Variants in PCDH11X observed in about 807,000 individuals in gnomAD.
The protein encoded by PCDH11X is protocadherin-11 X-linked.
A neutral mutation model predicts 53.3 loss-of-function variants in PCDH11X; 18 were observed. The ratio of observed to expected loss-of-function variants is 0.34; its 90% CI spans 0.23 to 0.50. The LOEUF is 0.50. Ranked by LOEUF, PCDH11X falls within the 20% of genes least tolerant of loss-of-function variation. The probability of loss-of-function intolerance (pLI) is 0.98; values close to 1 mark genes in which losing one functional copy is unlikely to be tolerated. For synonymous variants in PCDH11X, 279 were observed against 393.3 expected, an observed-to-expected ratio of 0.71 and a Z score of 3.44; for missense variants, 570 against 1,032.4, an observed-to-expected ratio of 0.55 and a Z score of 6.14.
At chrX:92,477,943 A>G (rs1242872332) in intron 10 of PCDH11X, among the ~76,000 whole-genome samples, 1 of 107,755 alleles carries the variant, frequency 9.3e-6, no homozygotes, top group Non-Finnish European at 1.9e-5. Context: ...CTCATCTCAA[A>G]TTATAATCCC....
At chrX:91,917,922 A>C (rs1462147785) in intron 6 of PCDH11X, among the ~76,000 whole-genome samples, 1 of 104,979 alleles carries the variant, frequency 9.5e-6, no homozygotes, top group Non-Finnish European at 2.0e-5. Context: ...ACTAGACTTC[A>C]AGCTATACTA....
At chrX:92,015,134 A>G (rs1399470390) in intron 6 of PCDH11X, among the ~76,000 whole-genome samples, 1 of 112,363 alleles carries the variant, frequency 8.9e-6, no homozygotes, top group Non-Finnish European at 1.9e-5. Context: ...TAAAAATGCT[A>G]ACACTCATCT....
Position 92,263,012 on chromosome X carries a change from C to CA in PCDH11X, c.3115-88dup, listed in dbSNP as rs5903000. ...TGGGAATGTTGACATGCTTTTTTTT[C>CA]AAAAAAAAAAAAAATGTATTTGCAG... is the stretch of plus-strand genomic sequence containing the variant. On this transcript the variant is annotated intron_variant, in intron 7 of 10. Transcript: ENST00000682573. 0.011 allele frequency: 9,533 copies of CA among 850,805 alleles called. 148 individuals are homozygous for CA. The African/African-American group carries it at 0.12, about 10-fold the overall frequency. The allele number at this position is 850,805 out of a possible 1,213,427, so 70.1% of individuals were successfully genotyped here.
At chrX:92,334,962 A>C (rs979287433) in intron 8 of PCDH11X, among the ~76,000 whole-genome samples, 4 of 109,793 alleles carry the variant, frequency 3.6e-5, no homozygotes, top group African/African-American at 1.3e-4. Flanking sequence ...CAAAAGTTAT[A>C]TGTGGATTTT....
chrX:92,162,153 A>G (rs1428842655), intron 6 of PCDH11X, among the ~76,000 whole-genome samples: 1 of 93,751 alleles, frequency 1.1e-5, no homozygotes, highest in Non-Finnish European at 2.1e-5. Flanking sequence ...GGTGGGTTAT[A>G]TCGGAGGGAA....
Position 92,124,761 on chromosome X carries a change from A to T in PCDH11X, c.3034-76614A>T, listed in dbSNP as rs2064831711. 1.8e-5 allele frequency among the ~76,000 whole-genome samples: 2 copies of T among 110,413 alleles called. 1 individual carries two copies. The highest frequency in any genetic ancestry group is 3.8e-5 in the Non-Finnish European group (2 of 53,103). The stretch of plus-strand genomic sequence containing the variant: ...TTTTTCATGTTGTAAAACAATTAAT[A>T]TATTTGAACTAAAATGCAGACCAGA... On this transcript the variant is annotated intron_variant, in intron 6 of 10. Coordinates refer to ENST00000682573, the MANE Select transcript of PCDH11X (RefSeq NM_032968.5).
intron 10 of PCDH11X, among the ~76,000 whole-genome samples, chrX:92,471,077 T>G (rs747245536): frequency 9.7e-6 from 1 of 103,058 alleles, no homozygotes; most frequent in African/African-American, 3.6e-5. Context: ...GGTCCTCAGC[T>G]ATTTTTCTGC....
chrX:92,004,372 G>C (rs1160245741), intron 6 of PCDH11X, among the ~76,000 whole-genome samples: 1 of 110,953 alleles, frequency 9.0e-6, no homozygotes, highest in Non-Finnish European at 1.9e-5. Flanking sequence ...TAGATGAAAT[G>C]TTCTGTAAAT....
intron 6 of PCDH11X, among the ~76,000 whole-genome samples, chrX:92,197,532 T>C (rs2066311980): frequency 8.9e-6 from 1 of 111,897 alleles, no homozygotes; most frequent in Non-Finnish European, 1.9e-5. Context: ...ATGCTTTCTT[T>C]TAAGGAAATA....
chrX:92,352,984 C>T (rs143836189), intron 8 of PCDH11X, among the ~76,000 whole-genome samples: 1,944 of 111,054 alleles, frequency 0.018, 43 homozygotes, highest in African/African-American at 0.06. Flanking sequence ...AGTCTCCACA[C>T]GCTGCTCTGT....
intron 6 of PCDH11X, among the ~76,000 whole-genome samples, chrX:92,155,700 C>G (rs1483001509): frequency 9.5e-6 from 1 of 104,851 alleles, no homozygotes; most frequent in Non-Finnish European, 1.9e-5. Context: ...CATCTCGGCT[C>G]ACTGCAAGCT....
intron 7 of PCDH11X, among the ~76,000 whole-genome samples, chrX:92,254,961 G>C (rs1472920894): frequency 3.2e-5 from 3 of 95,045 alleles, no homozygotes; most frequent in Non-Finnish European, 6.3e-5. Context: ...GGCGTTCTCT[G>C]TATTTCCTGA....
chrX:92,045,710 C>T (rs1026520875), intron 6 of PCDH11X, among the ~76,000 whole-genome samples: 1 of 105,341 alleles, frequency 9.5e-6, no homozygotes, highest in Non-Finnish European at 1.9e-5. Flanking sequence ...AAGGCCAAGG[C>T]GAGTGGATCA....
intron 5 of PCDH11X, among the ~76,000 whole-genome samples, chrX:91,845,083 TATGG>T (rs1198177348): frequency 1.8e-5 from 2 of 111,829 alleles, no homozygotes; most frequent in Non-Finnish European, 3.8e-5. Context: ...TGAATGATTA[TATGG>T]ATGAATTTTA....
At chrX:92,588,641 T>C (rs1340269446) in intron 10 of PCDH11X, among the ~76,000 whole-genome samples, 4 of 108,799 alleles carry the variant, frequency 3.7e-5, no homozygotes, top group African/African-American at 6.7e-5. Flanking sequence ...TAAAAACCAA[T>C]AAAACACGCC....
chrX:91,969,033 A>G (rs1419418896), intron 6 of PCDH11X, among the ~76,000 whole-genome samples: 1 of 111,043 alleles, frequency 9.0e-6, no homozygotes, highest in African/African-American at 3.3e-5. Flanking sequence ...TTTCTTTCCC[A>G]GCTCTTTTCC....
chrX:92,003,835 A>T (rs1271997431), intron 6 of PCDH11X, among the ~76,000 whole-genome samples: 4 of 110,162 alleles, frequency 3.6e-5, no homozygotes, highest in African/African-American at 1.3e-4. Context: ...TTAAAAAACC[A>T]GCATTTTTTT....
intron 8 of PCDH11X, among the ~76,000 whole-genome samples, chrX:92,368,811 G>A (rs1386872630): frequency 9.1e-6 from 1 of 109,386 alleles, no homozygotes; most frequent in Non-Finnish European, 1.9e-5. Context: ...CTGTTCGCCT[G>A]GGTATCACCA....
Position 91,970,021 on chromosome X carries a change from T to C in PCDH11X, c.3033+90748T>C, listed in dbSNP as rs574587001. Among the ~76,000 whole-genome samples, 156 of 110,622 alleles carry C rather than the reference T, an allele frequency of 1.4e-3. 3 individuals carry two copies. The South Asian group carries it at 0.06, about 43-fold the overall frequency. On this transcript the variant is annotated intron_variant, in intron 6 of 10. Transcript: ENST00000682573. ...CTTTCCGGTGGGTTCTTGGTCTCGCTGACTTCAAGAAGTTGCAGACCATCA... is the reference window on the plus strand; with the variant it reads ...CTTTCCGGTGGGTTCTTGGTCTCGCCGACTTCAAGAAGTTGCAGACCATCA...
Sources: allele counts gnomAD v4.1 joint callset (sites outside exome capture counted in the v4.1 genomes callset), GRCh38; gene constraint gnomAD v4.1.1; transcripts MANE v1.5; gene names NCBI Gene and HGNC (gene_info 2026-07-23, HGNC 2026-07-21).